The following MIPEP variants were observed in gnomAD, a reference collection of about 807,000 sequenced individuals.
MIPEP encodes the protein mitochondrial intermediate peptidase.
In MIPEP, 79 loss-of-function variants were observed where a neutral mutation model predicts 90.3. The observed-to-expected ratio is 0.87, with a 90% CI of 0.73 to 1.05. MIPEP has a LOEUF of 1.05. MIPEP is among the 50% of genes least tolerant of loss of function. The pLI, the probability that MIPEP is intolerant of heterozygous loss-of-function variation, is 0.00. For missense variants in MIPEP, 940 were observed against 905.6 expected (o/e 1.04, Z -0.49); for synonymous variants, 334 against 315.8 (o/e 1.06, Z -0.61).
chr13:23,822,135 G>A (rs1193115699), intron 14 of MIPEP, among the ~76,000 whole-genome samples: 1 of 152,086 alleles, frequency 6.6e-6, no homozygotes, highest in Non-Finnish European at 1.5e-5. Flanking sequence ...CATCGTGGGT[G>A]GTTTTTTAAA....
chr13:23,874,743 C>G, intron 5 of MIPEP, 103 bp downstream of exon 5: 1 of 934,514 alleles, frequency 1.1e-6, no homozygotes. Flanking sequence ...CACGTTTTTG[C>G]AATATGCAAA....
At chr13:23,823,104 C>A (rs1953328469) in intron 14 of MIPEP, among the ~76,000 whole-genome samples, 1 of 152,036 alleles carries the variant, frequency 6.6e-6, no homozygotes, top group Non-Finnish European at 1.5e-5. Flanking sequence ...AAGAAACAGT[C>A]ATTACAATGA....
intron 14 of MIPEP, among the ~76,000 whole-genome samples, chr13:23,817,615 C>A (rs1953255899): frequency 6.6e-6 from 1 of 152,106 alleles, no homozygotes; most frequent in Admixed American, 6.5e-5. Context: ...AAACATCATC[C>A]TTTGCCCTCA....
intron 14 of MIPEP, among the ~76,000 whole-genome samples, chr13:23,814,326 G>C (rs891195208): frequency 6.6e-6 from 1 of 151,992 alleles, no homozygotes; most frequent in Non-Finnish European, 1.5e-5. Context: ...GCACAATCTC[G>C]GCCCACTGCA....
At chr13:23,838,044 A>G (rs568871162) in intron 12 of MIPEP, among the ~76,000 whole-genome samples, 1 of 152,230 alleles carries the variant, frequency 6.6e-6, no homozygotes, top group Non-Finnish European at 1.5e-5. Context: ...AGCTGGAAAC[A>G]AAGTCAGCAA....
chr13:23,788,612 CTA>C, intron 16 of MIPEP, among the ~76,000 whole-genome samples: 2 of 152,328 alleles, frequency 1.3e-5, no homozygotes, highest in South Asian at 4.1e-4. Context: ...AAGTGCAATT[CTA>C]CCATGGGGCA....
intron 14 of MIPEP, among the ~76,000 whole-genome samples, chr13:23,813,590 AT>A (rs1953199792): frequency 6.6e-6 from 1 of 152,222 alleles, no homozygotes. Context: ...CTATAAAAAA[AT>A]ATAAAATATA....
chr13:23,885,957 C>T (rs1427257020), intron 2 of MIPEP, among the ~76,000 whole-genome samples: 6 of 148,732 alleles, frequency 4.0e-5, no homozygotes, highest in African/African-American at 1.2e-4. Context: ...TGTAAATGTA[C>T]ACATAAAGTG....
intron 14 of MIPEP, among the ~76,000 whole-genome samples, chr13:23,814,661 A>C (rs1365050942): frequency 6.6e-6 from 1 of 152,222 alleles, no homozygotes; most frequent in Non-Finnish European, 1.5e-5. Flanking sequence ...ACAACTGTGC[A>C]AGAAACATCA....
chr13:23,823,441 A>G (rs1289574774), intron 14 of MIPEP, among the ~76,000 whole-genome samples: 1 of 152,234 alleles, frequency 6.6e-6, no homozygotes, highest in Non-Finnish European at 1.5e-5. Context: ...CAATGCTGTC[A>G]CAGCTTGGGT....
intron 14 of MIPEP, among the ~76,000 whole-genome samples, chr13:23,834,114 G>C (rs1019414867): frequency 6.6e-6 from 1 of 152,126 alleles, no homozygotes; most frequent in Non-Finnish European, 1.5e-5. Flanking sequence ...TGGGTGGAGA[G>C]AGGCCACGCG....
Position 23,779,665 on chromosome 13 carries a change from C to G in MIPEP, c.1849-19448G>C, listed in dbSNP as rs144460806. On this transcript the variant is annotated intron_variant, in intron 16 of 18. Transcript: ENST00000382172. ...GAGCCAAAGCAGGGTGAGGCATCGC[C>G]TCACCCAGGAAGCACAAGGGGTCAG... 1.8e-3 allele frequency among the ~76,000 whole-genome samples: 268 copies of G among 152,210 alleles called. 2 individuals carry two copies. The highest frequency in any genetic ancestry group is 6.3e-3 in the African/African-American group (262 of 41,536).
At chr13:23,819,127 C>T (rs1308822103) in intron 14 of MIPEP, among the ~76,000 whole-genome samples, 1 of 152,188 alleles carries the variant, frequency 6.6e-6, no homozygotes, top group Non-Finnish European at 1.5e-5. Context: ...TCAACATCCA[C>T]AGTATAAGGT....
chr13:23,869,254 T>C (rs1870671056), intron 7 of MIPEP, 38 bp downstream of exon 7: 2 of 1,521,974 alleles, frequency 1.3e-6, no homozygotes, highest in Non-Finnish European at 8.8e-7. Context: ...TTCATAAAAA[T>C]CCTATTTTGC....
At chr13:23,732,116 G>A (rs1231766852) in intron 18 of MIPEP, among the ~76,000 whole-genome samples, 1 of 151,750 alleles carries the variant, frequency 6.6e-6, no homozygotes, top group Non-Finnish European at 1.5e-5. Context: ...CAGCTTGAGA[G>A]TAGCTGGAAC....
chr13:23,746,515 T>A (rs773185009), intron 18 of MIPEP, among the ~76,000 whole-genome samples: 2 of 150,556 alleles, frequency 1.3e-5, no homozygotes, highest in Non-Finnish European at 3.0e-5. Context: ...ACGCCTGTAA[T>A]CCCAGCTACT....
At chr13:23,773,726 C>A (rs1389924191) in intron 16 of MIPEP, among the ~76,000 whole-genome samples, 1 of 152,180 alleles carries the variant, frequency 6.6e-6, no homozygotes, top group African/African-American at 2.4e-5. Flanking sequence ...AACATCTTTT[C>A]ATGTGCTAAT....
intron 10 of MIPEP, among the ~76,000 whole-genome samples, chr13:23,850,064 G>A (rs1869733815): frequency 6.6e-6 from 1 of 152,206 alleles, no homozygotes; most frequent in African/African-American, 2.4e-5. Context: ...AATGGCAAAT[G>A]CCCACAGAGG....
At chr13:23,764,772 A>G (rs1379459267) in intron 16 of MIPEP, among the ~76,000 whole-genome samples, 1 of 152,166 alleles carries the variant, frequency 6.6e-6, no homozygotes, top group African/African-American at 2.4e-5. Context: ...TCTGTTTCCC[A>G]GGCTAGTTTT....
Sources: gnomAD v4.1 joint callset for allele counts (sites outside exome capture counted in the v4.1 genomes callset) on GRCh38, gnomAD v4.1.1 for gene constraint, MANE v1.5 for transcripts, NCBI Gene and HGNC (gene_info 2026-07-23, HGNC 2026-07-21) for gene names.